Variants in NLGN1 observed in about 807,000 individuals in gnomAD.
NLGN1 encodes the protein neuroligin 1, also known as neuroligin-1.
Under a neutral mutation model 65.5 loss-of-function variants are expected in NLGN1, and 12 were observed. The observed-to-expected ratio is 0.18, with a 90% CI of 0.12 to 0.30. The LOEUF (loss-of-function observed/expected upper bound fraction) is 0.30. Among genes scored for constraint, NLGN1 ranks in the 10% least tolerant of loss-of-function variants. The pLI is 1.00. For missense variants in NLGN1, 750 were observed against 1,007.1 expected (o/e 0.74, Z 3.46); for synonymous variants, 350 against 359.5 (o/e 0.97, Z 0.30).
intron 4 of NLGN1, among the ~76,000 whole-genome samples, chr3:174,086,209 G>A (rs1197500265): frequency 5.0e-4 from 2 of 4,026 alleles, no homozygotes; most frequent in Non-Finnish European, 5.0e-4. Flanking sequence ...GTGTGTGCGT[G>A]TGTGTGTATA....
chr3:173,420,851 A>G lies in NLGN1; in HGVS notation c.-389-14159A>G, dbSNP rs148619306. ...ATATGTGTACTTTTTCATGTACAAA[A>G]TTTTTACACATAGTTGAATCTTCTG... On this transcript the variant is annotated intron_variant, in intron 1 of 6. Transcript: ENST00000457714. Among the ~76,000 whole-genome samples the G allele has an allele frequency of 4.9e-3, 745 of 152,298 alleles. 7 individuals carry two copies. In the Middle Eastern group the frequency reaches 0.071, roughly 15 times the overall value.
At chr3:173,400,440 TC>T (rs931045665) in intron 1 of NLGN1, among the ~76,000 whole-genome samples, 2 of 152,146 alleles carry the variant, frequency 1.3e-5, no homozygotes, top group African/African-American at 4.8e-5. Flanking sequence ...CACTCTTTAG[TC>T]CATTCACAAG....
At position 174,091,597 on chromosome 3, in the gene NLGN1, A is replaced by G. The variant is rs533707735; in HGVS notation, c.647-183718A>G. ...CTACCATGATTTTTAATCCAAAAAT[A>G]CTGTTTTTAAACATAGGTTGATGAA... is the stretch of plus-strand genomic sequence containing the variant. On this transcript the variant is annotated intron_variant, in intron 4 of 6. Coordinates refer to ENST00000457714, the Ensembl canonical transcript of NLGN1. Among the ~76,000 whole-genome samples the G allele has an allele frequency of 1.8e-4, 28 of 152,366 alleles. No homozygotes were observed. In the South Asian group the frequency reaches 5.4e-3, roughly 29 times the overall value.
chr3:174,249,916 GAGA>G (rs1203947750), intron 4 of NLGN1, among the ~76,000 whole-genome samples: 6 of 152,284 alleles, frequency 3.9e-5, no homozygotes, highest in African/African-American at 1.4e-4. Context: ...CTCTGGAAAG[GAGA>G]AGATTATATT....
chr3:173,928,792 C>G (rs1465021594), intron 4 of NLGN1, among the ~76,000 whole-genome samples: 1 of 151,840 alleles, frequency 6.6e-6, no homozygotes, highest in Non-Finnish European at 1.5e-5. Context: ...CTGCCTCAGC[C>G]TCCCCAGTAA....
intron 4 of NLGN1, among the ~76,000 whole-genome samples, chr3:174,073,489 A>C (rs1409339064): frequency 6.6e-6 from 1 of 152,146 alleles, no homozygotes; most frequent in Non-Finnish European, 1.5e-5. Context: ...CATTTCTTCC[A>C]CTGGTAGAAA....
intron 4 of NLGN1, among the ~76,000 whole-genome samples, chr3:174,131,946 A>G (rs1339398114): frequency 6.6e-6 from 1 of 152,160 alleles, no homozygotes; most frequent in Non-Finnish European, 1.5e-5. Context: ...ATTTGGTACC[A>G]TGTGTCTCAT....
intron 4 of NLGN1, among the ~76,000 whole-genome samples, chr3:174,089,616 C>T (rs1744114283): frequency 6.6e-6 from 1 of 152,014 alleles, no homozygotes. Flanking sequence ...TAAAAGGGAC[C>T]TCTACTTTAA....
At chr3:173,992,653 T>C (rs1419213991) in intron 4 of NLGN1, among the ~76,000 whole-genome samples, 1 of 152,210 alleles carries the variant, frequency 6.6e-6, no homozygotes, top group East Asian at 1.9e-4. Context: ...TGACTTTTCA[T>C]GCTGAACTGT....
At chr3:173,652,331 A>G (rs1279498229) in intron 3 of NLGN1, among the ~76,000 whole-genome samples, 1 of 152,108 alleles carries the variant, frequency 6.6e-6, no homozygotes, top group Non-Finnish European at 1.5e-5. Flanking sequence ...TTAGTCATGA[A>G]TGCCTTGCCT....
intron 4 of NLGN1, among the ~76,000 whole-genome samples, chr3:173,992,325 TCAA>T (rs1721291401): frequency 6.6e-6 from 1 of 152,120 alleles, no homozygotes; most frequent in Non-Finnish European, 1.5e-5. Context: ...GTGTCAGGAC[TCAA>T]TTGAAAAAAC....
In NLGN1 at chr3:173,747,795, C is replaced by CTTCTTTTTTTTTTTTTTTTTT. The variant is rs1560289220; in HGVS notation, c.494-59883_494-59882insCTTTTTTTTTTTTTTTTTTTT. Among the ~76,000 whole-genome samples the CTTCTTTTTTTTTTTTTTTTTT allele has an allele frequency of 1.5e-4, 12 of 78,606 alleles. 1 individual carries two copies. The highest frequency in any genetic ancestry group is 7.4e-4 in the African/African-American group (12 of 16,148). 51.6% of individuals were successfully genotyped at this position (78,606 alleles called of 152,430 possible). A position where few individuals can be genotyped will look rare whatever the true frequency, so the allele number is the denominator to read the frequency against. ...AAACAAAATTTTCTTTCTTCTTCTTCTTGTTCTTTTTTTTTTTTTTTTTTT... is the reference window on the plus strand; with the variant it reads ...AAACAAAATTTTCTTTCTTCTTCTTCTTCTTTTTTTTTTTTTTTTTTTTGTTCTTTTTTTTTTTTTTTTTTT... On this transcript the variant is annotated intron_variant, in intron 3 of 6. Coordinates refer to ENST00000457714, the Ensembl canonical transcript of NLGN1.
chr3:173,457,199 A>G (rs1409178061), intron 2 of NLGN1, among the ~76,000 whole-genome samples: 1 of 152,082 alleles, frequency 6.6e-6, no homozygotes, highest in Non-Finnish European at 1.5e-5. Context: ...CACCATTATC[A>G]TTATTATCAT....
exon 7 of NLGN1, chr3:174,283,514 G>A (rs896539834): frequency 6.6e-6 from 1 of 151,256 alleles, no homozygotes; most frequent in African/African-American, 2.4e-5. Flanking sequence ...AAATAACTAG[G>A]TTCATAAAAT....
intron 2 of NLGN1, among the ~76,000 whole-genome samples, chr3:173,466,982 T>C (rs1000843923): frequency 2.6e-5 from 4 of 152,112 alleles, no homozygotes; most frequent in African/African-American, 4.8e-5. Context: ...AACACATATT[T>C]TGAATTTCAA....
At chr3:173,703,504 G>T (rs1041127858) in intron 3 of NLGN1, among the ~76,000 whole-genome samples, 1 of 151,896 alleles carries the variant, frequency 6.6e-6, no homozygotes, top group African/African-American at 2.4e-5. Flanking sequence ...TTTTACTAAC[G>T]TTTGTGTTTT....
At chr3:173,445,383 T>C (rs1720075784) in intron 2 of NLGN1, among the ~76,000 whole-genome samples, 4 of 152,126 alleles carry the variant, frequency 2.6e-5, no homozygotes, top group Admixed American at 2.6e-4. Flanking sequence ...ACCTGTTCCT[T>C]AGGTATGGTT....
intron 4 of NLGN1, among the ~76,000 whole-genome samples, chr3:174,217,717 GT>G (rs1472219571): frequency 6.6e-6 from 1 of 152,072 alleles, no homozygotes; most frequent in African/African-American, 2.4e-5. Context: ...GAGAGAAACA[GT>G]TTTTATGAAG....
At chr3:173,678,199 C>T (rs891852945) in intron 3 of NLGN1, among the ~76,000 whole-genome samples, 1 of 152,036 alleles carries the variant, frequency 6.6e-6, no homozygotes, top group African/African-American at 2.4e-5. Context: ...CTAATATAGT[C>T]ATTTGACAAA....
Sources: allele counts gnomAD v4.1 joint callset (sites outside exome capture counted in the v4.1 genomes callset), GRCh38; gene constraint gnomAD v4.1.1; transcripts MANE v1.5; gene names NCBI Gene and HGNC (gene_info 2026-07-23, HGNC 2026-07-21).